Variants in OTOGL observed in about 807,000 individuals in gnomAD.
OTOGL encodes otogelin like.
In OTOGL, 285 loss-of-function variants were observed where a neutral mutation model predicts 318.5. The observed-to-expected ratio is 0.89, with a 90% CI of 0.81 to 0.99. OTOGL has a LOEUF of 0.99. Ranked by LOEUF, OTOGL falls within the 50% of genes least tolerant of loss-of-function variation. OTOGL has a pLI of 0.00. For missense variants in OTOGL, 2,899 were observed against 2,845.6 expected (o/e 1.02, Z -0.43); for synonymous variants, 987 against 936.5 (o/e 1.05, Z -0.99).
chr12:80,145,739 A>T (rs1412425755), intron 1 of OTOGL, among the ~76,000 whole-genome samples: 2 of 151,946 alleles, frequency 1.3e-5, no homozygotes, highest in Non-Finnish European at 2.9e-5. Flanking sequence ...TTCATTGAGC[A>T]GTGGTTTGTA....
At chr12:80,192,327 T>C (rs1033202304) in intron 1 of OTOGL, among the ~76,000 whole-genome samples, 1 of 152,210 alleles carries the variant, frequency 6.6e-6, no homozygotes, top group Non-Finnish European at 1.5e-5. Flanking sequence ...GGTCCGGTCA[T>C]GGTCAACTAC....
intron 11 of OTOGL, 40 bp downstream of exon 11, chr12:80,239,479 A>G: frequency 7.1e-7 from 1 of 1,415,332 alleles, no homozygotes; most frequent in Non-Finnish European, 9.7e-7. Flanking sequence ...AATTTTCTTT[A>G]TGCAAAAAGA....
intron 13 of OTOGL, 79 bp from the exon 14 acceptor site, chr12:80,253,387 T>G: frequency 7.7e-7 from 1 of 1,304,176 alleles, no homozygotes; most frequent in Non-Finnish European, 1.1e-6. Context: ...TCAACAGAAG[T>G]TGGTTGAATT....
intron 1 of OTOGL, among the ~76,000 whole-genome samples, chr12:80,111,081 C>T (rs183044588): frequency 3.9e-5 from 6 of 152,294 alleles, no homozygotes; most frequent in African/African-American, 9.6e-5. Flanking sequence ...TCTTCATATC[C>T]TTTGCCCACT....
At chr12:80,307,874 C>G (rs1240023519) in intron 29 of OTOGL, among the ~76,000 whole-genome samples, 7 of 137,004 alleles carry the variant, frequency 5.1e-5, no homozygotes, top group Non-Finnish European at 7.7e-5. Context: ...GGGGCTGACC[C>G]CCCCACCTCC....
chr12:80,377,241 A>T, intron 58 of OTOGL, 39 bp downstream of exon 58: 1 of 1,472,218 alleles, frequency 6.8e-7, no homozygotes, highest in Non-Finnish European at 9.3e-7. Context: ...AAATGCACAC[A>T]TCTTTTTAGA....
intron 26 of OTOGL, among the ~76,000 whole-genome samples, chr12:80,288,810 G>A (rs147879073): frequency 0.013 from 1,929 of 151,928 alleles, 38 homozygotes; most frequent in African/African-American, 0.044. Flanking sequence ...TTTTATCAAG[G>A]TTCTTAGCTT....
intron 1 of OTOGL, among the ~76,000 whole-genome samples, chr12:80,113,535 G>T (rs544498522): frequency 2.4e-4 from 37 of 152,122 alleles, no homozygotes; most frequent in Admixed American, 2.2e-3. Flanking sequence ...GAAACAGGTT[G>T]TTCAGTTTCC....
intron 1 of OTOGL, among the ~76,000 whole-genome samples, chr12:80,149,977 C>A (rs977649266): frequency 6.6e-6 from 1 of 152,128 alleles, no homozygotes; most frequent in Non-Finnish European, 1.5e-5. Flanking sequence ...GAGATGAACC[C>A]GGTACCTCAG....
At chr12:80,103,358 C>A (rs1319912806) in intron 1 of OTOGL, 1 of 1,174,280 alleles carries the variant, frequency 8.5e-7, no homozygotes, top group South Asian at 1.3e-5. Context: ...CTTCGGTGAT[C>A]GATCTTCTTT....
Position 80,267,249 on chromosome 12 carries a change from A to G in OTOGL, c.2391-4A>G, listed in dbSNP as rs535663358. 7.2e-6 allele frequency: 11 copies of G among 1,522,590 alleles called. No homozygotes were observed. The highest frequency in any genetic ancestry group is 3.7e-5 in the Admixed American group (2 of 54,064). 94.3% of individuals were successfully genotyped at this position (1,522,590 alleles called of 1,614,324 possible). A position where few individuals can be genotyped will look rare whatever the true frequency, so the allele number is the denominator to read the frequency against. ...CCTATTTACTTTACTTTTTCTTCGT[A>G]TAGATTCCACTGCCGTTGTCATTAT... On this transcript the variant is annotated splice_region_variant and splice_polypyrimidine_tract_variant and intron_variant, in intron 21 of 58. Coordinates refer to ENST00000547103, the MANE Select transcript of OTOGL (RefSeq NM_001378609.3).
At chr12:80,307,726 T>G (rs1886269060) in intron 29 of OTOGL, among the ~76,000 whole-genome samples, 1 of 140,322 alleles carries the variant, frequency 7.1e-6, no homozygotes, top group Non-Finnish European at 1.5e-5. Flanking sequence ...ACGGGGCGGC[T>G]GGCCGAGCGG....
Position 80,372,020 on chromosome 12 carries a change from A to G in OTOGL, c.6737A>G (p.Asn2246Ser), listed in dbSNP as rs1551122. The change falls in exon 57 of 59, where the codon AAT becomes AGT. Residue 2246 changes from asparagine (N) to serine (S), a missense_variant and splice_region_variant. Transcript: ENST00000547103. ...TTTATTGCTTTTTTCTCTTTCTAGA[A>G]TGAAGGGATTGTGAAGCTTTATAAT... ...PPFNETECKMNEGIVKLYNEG... is the reference protein window; with the variant it reads ...PPFNETECKMSEGIVKLYNEG... The G allele has an allele frequency of 0.61, 935,439 of 1,538,726 alleles. 294,099 individuals carry two copies. The highest frequency in any genetic ancestry group is 0.73 in the East Asian group (29,959 of 41,322).
chr12:80,312,218 G>A (rs993546698), intron 30 of OTOGL, among the ~76,000 whole-genome samples: 2 of 152,054 alleles, frequency 1.3e-5, no homozygotes, highest in Admixed American at 6.6e-5. Context: ...GCATGGAACC[G>A]AATTTTCTTC....
intron 8 of OTOGL, among the ~76,000 whole-genome samples, chr12:80,230,041 C>T (rs1169089037): frequency 6.6e-6 from 1 of 151,604 alleles, no homozygotes; most frequent in African/African-American, 2.4e-5. Flanking sequence ...AATAATCTAC[C>T]TTCCAATCTA....
chr12:80,185,574 C>G (rs1422951336), intron 1 of OTOGL, among the ~76,000 whole-genome samples: 1 of 152,190 alleles, frequency 6.6e-6, no homozygotes, highest in Non-Finnish European at 1.5e-5. Flanking sequence ...CAGGTGTGAG[C>G]CACTGCACCC....
At chr12:80,352,750 C>T (rs1424827298) in intron 45 of OTOGL, among the ~76,000 whole-genome samples, 1 of 152,140 alleles carries the variant, frequency 6.6e-6, no homozygotes, top group Non-Finnish European at 1.5e-5. Context: ...AAATTGTTCT[C>T]CACTGAGATT....
At chr12:80,115,564 G>A (rs1218429131) in intron 1 of OTOGL, among the ~76,000 whole-genome samples, 2 of 152,190 alleles carry the variant, frequency 1.3e-5, no homozygotes. Context: ...CCTTAGCAGA[G>A]CTCAAGCACT....
chr12:80,173,896 C>T (rs955483575), intron 1 of OTOGL, among the ~76,000 whole-genome samples: 1 of 152,082 alleles, frequency 6.6e-6, no homozygotes, highest in African/African-American at 2.4e-5. Context: ...AGTCAGAAAG[C>T]GTCAGTATGC....
Sources: allele counts gnomAD v4.1 joint callset (sites outside exome capture counted in the v4.1 genomes callset), GRCh38; gene constraint gnomAD v4.1.1; transcripts MANE v1.5; gene names NCBI Gene and HGNC (gene_info 2026-07-23, HGNC 2026-07-21).